Variants in USP54 observed in about 807,000 individuals in gnomAD.
USP54 encodes the protein ubiquitin specific peptidase 54.
A neutral mutation model predicts 170.5 loss-of-function variants in USP54; 87 were observed. The observed-to-expected ratio is 0.51, with a 90% CI of 0.43 to 0.61. The LOEUF is 0.61. Among genes scored for constraint, USP54 ranks in the 20% least tolerant of loss-of-function variants. The pLI is 0.00. For missense variants in USP54, 1,786 were observed against 2,047.8 expected (o/e 0.87, Z 2.47); for synonymous variants, 655 against 742.8 (o/e 0.88, Z 1.92).
At position 73,523,665 on chromosome 10, in the gene USP54, T is replaced by C; in HGVS notation, c.2280A>G (p.Lys760=). ...TCGCTGCCTCTAACTCCTTCTCCCG[T>C]TTTCTTCGAAGTTCCTGTTCCTGCG... The part of the protein sequence containing the change: ...RRAQEQELRR[K]REKELEAAKG... Residue 760 remains lysine, a synonymous_variant, in exon 17 of 24, where the codon AAA becomes AAG. Coordinates refer to ENST00000687698, the MANE Select transcript of USP54 (RefSeq NM_001391956.1). 1.9e-6 allele frequency: 3 copies of C among 1,613,918 alleles called. No homozygotes were observed. The South Asian group carries it at 3.3e-5, about 18-fold the overall frequency.
At chr10:73,596,227 G>A (rs965124450), upstream of USP54, among the ~76,000 whole-genome samples, 3 of 151,894 alleles carry the variant, frequency 2.0e-5, no homozygotes, top group Non-Finnish European at 4.4e-5. Flanking sequence ...TTCAAGACCA[G>A]CCTGACCAAC....
chr10:73,531,360 C>T (rs946706728), intron 12 of USP54, among the ~76,000 whole-genome samples: 3 of 151,826 alleles, frequency 2.0e-5, no homozygotes, highest in Non-Finnish European at 2.9e-5. Context: ...TGAGCAATGA[C>T]CAATCTCAAT....
chr10:73,511,239 T>C (rs1474115584), intron 20 of USP54, among the ~76,000 whole-genome samples: 2 of 151,808 alleles, frequency 1.3e-5, no homozygotes, highest in African/African-American at 4.8e-5. Context: ...TTAAAACTGA[T>C]TGTGGTGATG....
intron 1 of USP54, among the ~76,000 whole-genome samples, chr10:73,608,410 C>T (rs779303662): frequency 5.3e-5 from 8 of 151,490 alleles, no homozygotes; most frequent in South Asian, 2.1e-4. Context: ...TATACATTTA[C>T]GAGTAATTTT....
At chr10:73,596,328 C>G (rs549655733), upstream of USP54, among the ~76,000 whole-genome samples, 1 of 152,050 alleles carries the variant, frequency 6.6e-6, no homozygotes, top group African/African-American at 2.4e-5. Flanking sequence ...GAGGCCGAGG[C>G]GGGCAGATCA....
intron 1 of USP54, among the ~76,000 whole-genome samples, chr10:73,624,285 C>G (rs1297505528): frequency 6.8e-6 from 1 of 147,892 alleles, no homozygotes; most frequent in African/African-American, 2.5e-5. Context: ...GCAACCTTCC[C>G]CTCCGGGGTT....
intron 12 of USP54, among the ~76,000 whole-genome samples, chr10:73,531,045 T>C (rs541810001): frequency 6.6e-6 from 1 of 151,948 alleles, no homozygotes; most frequent in Non-Finnish European, 1.5e-5. Flanking sequence ...CACCTATAAT[T>C]GCAGCACTTT....
At chr10:73,576,390 C>T (rs751237720) in intron 1 of USP54, 29 bp from the exon 2 acceptor site, 1 of 151,800 alleles carries the variant, frequency 6.6e-6, no homozygotes, top group Non-Finnish European at 1.5e-5. Flanking sequence ...AAATCAAAAG[C>T]TTGCGTCACT....
intron 19 of USP54, chr10:73,518,242 A>G (rs997776590): frequency 1.0e-6 from 1 of 985,354 alleles, no homozygotes; most frequent in Non-Finnish European, 1.2e-6. Flanking sequence ...ACATTTACAA[A>G]ATACAGGGTG....
intron 1 of USP54, chr10:73,611,607 A>G (rs2080150046): frequency 6.6e-6 from 1 of 151,188 alleles, no homozygotes; most frequent in Non-Finnish European, 1.5e-5. Flanking sequence ...CCTGGTCGAC[A>G]TGGTGAAACC....
rs374096743 is a variant in USP54 at position 73,529,809 on chromosome 10, C to T, written c.1931G>A (p.Gly644Asp). ...GGGGTGCTGCTCTAAAAGGTGAGAG[C>T]CTGGCCGTGCTGGGCCCCAGCGCTT... Reference protein sequence around the residue: ...QYKRWGPARPGSHLLEQHPRL... With the variant: ...QYKRWGPARPDSHLLEQHPRL... Residue 644 changes from glycine to aspartate, a missense_variant, in exon 15 of 24, where the codon GGC (glycine) becomes GAC (aspartate). Gly to Asp is a moderately conservative substitution (Grantham distance 94, BLOSUM62 -1). Around this residue, in one of 3 missense-constraint regions of USP54, gnomAD observed 1,418 missense variants for 1,569.0 expected, o/e 0.90. Coordinates refer to ENST00000687698, the MANE Select transcript of USP54 (RefSeq NM_001391956.1). 16 of 1,612,536 alleles carry T rather than the reference C, an allele frequency of 9.9e-6. No individual in the cohort carries two copies. Among genetic ancestry groups the T allele is most frequent in the Non-Finnish European group, 1.4e-5 (16 of 1,179,088 alleles).
At chr10:73,533,379 G>A (rs1270114173) in intron 12 of USP54, among the ~76,000 whole-genome samples, 1 of 152,036 alleles carries the variant, frequency 6.6e-6, no homozygotes, top group Non-Finnish European at 1.5e-5. Context: ...ATATATTTAT[G>A]GAAAATGTGA....
chr10:73,523,401 G>GCTTATCT (rs1358059925), intron 17 of USP54, among the ~76,000 whole-genome samples, 182 bp downstream of exon 17: 1 of 152,174 alleles, frequency 6.6e-6, no homozygotes, highest in African/African-American at 2.4e-5. Flanking sequence ...CCAAATCAGT[G>GCTTATCT]CCTATCTCCA....
intron 4 of USP54, among the ~76,000 whole-genome samples, chr10:73,561,310 CTAGA>C (rs1044369943): frequency 6.6e-6 from 1 of 151,924 alleles, no homozygotes; most frequent in African/African-American, 2.4e-5. Flanking sequence ...AATCATAGTT[CTAGA>C]TAGATAGCAT....
intron 1 of USP54, among the ~76,000 whole-genome samples, chr10:73,579,539 G>A (rs908950231): frequency 6.6e-6 from 1 of 151,870 alleles, no homozygotes; most frequent in Non-Finnish European, 1.5e-5. Flanking sequence ...TGGATCACTT[G>A]AGGTCAGGAG....
In USP54 at chr10:73,526,667, G is replaced by C; in HGVS notation, c.2174C>G (p.Thr725Arg). Residue 725 changes from threonine to arginine, a missense_variant, in exon 16 of 24, where the codon ACA (threonine) becomes AGA (arginine). Physicochemically the swap from Thr to Arg is moderately conservative, Grantham distance 71. Transcript: ENST00000687698. The stretch of plus-strand genomic sequence containing the variant: ...CTTACCAGAGAAAGGCTGACTCTTT[G>C]TCCAGCCACCCATGGATGCTGTGGA... ...VDSTASMGGWTKSQPFSGEEI... is the reference protein window; with the variant it reads ...VDSTASMGGWRKSQPFSGEEI... 1 of 1,613,996 alleles carries C rather than the reference G, an allele frequency of 6.2e-7. No homozygotes were observed. Among genetic ancestry groups the C allele is most frequent in the Non-Finnish European group, 8.5e-7 (1 of 1,179,990 alleles).
In USP54 at chr10:73,545,439, A is replaced by G; in HGVS notation, c.375+99T>C. 4.7e-6 allele frequency: 7 copies of G among 1,480,362 alleles called. No homozygotes were observed. The South Asian group carries it at 8.9e-5, about 19-fold the overall frequency. 91.7% of individuals were successfully genotyped at this position (1,480,362 alleles called of 1,614,324 possible). ...AAAACTCCTAGTTCTAACTGTAGAG[A>G]TAAGGGCACAGCAAATTCCACCATA... On this transcript the variant is annotated intron_variant, in intron 5 of 23. Coordinates refer to ENST00000687698, the MANE Select transcript of USP54 (RefSeq NM_001391956.1).
intron 4 of USP54, among the ~76,000 whole-genome samples, chr10:73,552,486 C>T (rs1415445402): frequency 2.6e-5 from 4 of 151,174 alleles, no homozygotes; most frequent in Non-Finnish European, 3.0e-5. Context: ...CACACACACA[C>T]ATATATATAT....
chr10:73,612,909 A>C (rs1055460943), intron 1 of USP54, among the ~76,000 whole-genome samples: 3 of 151,156 alleles, frequency 2.0e-5, no homozygotes, highest in Non-Finnish European at 2.9e-5. Context: ...TTATCTCAGC[A>C]CTTTGGGAGA....
Sources: gnomAD v4.1 joint callset for allele counts (sites outside exome capture counted in the v4.1 genomes callset) on GRCh38, gnomAD v4.1.1 for gene constraint, gnomAD v4.1.1 regional missense constraint, MANE v1.5 for transcripts, NCBI Gene and HGNC (gene_info 2026-07-23, HGNC 2026-07-21) for gene names.